The following FOXP1 variants were observed in gnomAD, a reference collection of about 807,000 sequenced individuals.
The protein encoded by FOXP1 is forkhead box P1.
In FOXP1, 15 loss-of-function variants were observed where a neutral mutation model predicts 98.2. That is an observed-to-expected ratio of 0.15 (90% CI 0.10 to 0.24). The LOEUF is 0.24. FOXP1 is among the 10% of genes least tolerant of loss of function. FOXP1 has a pLI of 1.00. For missense variants in FOXP1, 633 were observed against 848.5 expected (o/e 0.75, Z 3.15); for synonymous variants, 371 against 314.5 (o/e 1.18, Z -1.90).
At position 70,958,815 on chromosome 3, in the gene FOXP1, G is replaced by A. The variant is rs2032503210; in HGVS notation, c.*432C>T. 3 of 333,292 alleles carry A rather than the reference G, an allele frequency of 9.0e-6. No individual in the cohort carries two copies. The highest frequency in any genetic ancestry group is 4.0e-5 in the South Asian group (1 of 24,718). 20.6% of individuals were successfully genotyped at this position (333,292 alleles called of 1,614,324 possible). On this transcript the variant is annotated 3_prime_UTR_variant, in exon 21 of 21. Transcript: ENST00000649528. ...ACATGCAGTACTGTGCAAATAGGTC[G>A]TCCATTGGAATCCTTAAATTCTGGG...
intron 4 of FOXP1, among the ~76,000 whole-genome samples, chr3:71,339,234 A>G (rs1156588394): frequency 6.6e-6 from 1 of 152,276 alleles, no homozygotes; most frequent in Non-Finnish European, 1.5e-5. Flanking sequence ...CAACACAAGT[A>G]TCATAAAAAT....
chr3:71,420,486 A>G (rs2108323911), intron 3 of FOXP1, among the ~76,000 whole-genome samples: 1 of 152,252 alleles, frequency 6.6e-6, no homozygotes, highest in East Asian at 1.9e-4. Context: ...AAATGTTCCT[A>G]TCATGGGACT....
At chr3:71,239,125 G>C (rs1188876010) in intron 5 of FOXP1, among the ~76,000 whole-genome samples, 1 of 152,176 alleles carries the variant, frequency 6.6e-6, no homozygotes, top group Non-Finnish European at 1.5e-5. Context: ...GGGAATATGT[G>C]ATTGCATTTG....
chr3:71,128,443 A>T (rs1277319101), intron 6 of FOXP1, among the ~76,000 whole-genome samples: 2 of 152,220 alleles, frequency 1.3e-5, no homozygotes, highest in East Asian at 3.8e-4. Flanking sequence ...ATTAAAGACT[A>T]GAAGGTATTT....
intron 5 of FOXP1, among the ~76,000 whole-genome samples, chr3:71,236,923 T>C (rs2066834786): frequency 6.7e-6 from 1 of 150,056 alleles, no homozygotes; most frequent in African/African-American, 2.4e-5. Context: ...AAAAAAGAAG[T>C]AGTGAAACTG....
At chr3:71,120,890 G>GTA (rs1393286622) in intron 6 of FOXP1, among the ~76,000 whole-genome samples, 1 of 152,182 alleles carries the variant, frequency 6.6e-6, no homozygotes, top group Non-Finnish European at 1.5e-5. Context: ...TGCCGATTAT[G>GTA]TATATTCCTT....
chr3:70,961,654 A>C (rs544707712), intron 20 of FOXP1, among the ~76,000 whole-genome samples: 1 of 152,026 alleles, frequency 6.6e-6, no homozygotes, highest in Admixed American at 6.5e-5. Context: ...TGGCTGTATT[A>C]GTGTTTCAGC....
At chr3:71,087,007 C>T (rs2055181130) in intron 7 of FOXP1, among the ~76,000 whole-genome samples, 1 of 152,122 alleles carries the variant, frequency 6.6e-6, no homozygotes, top group Non-Finnish European at 1.5e-5. Context: ...GGCTGTTTAC[C>T]CTGAAGGCCC....
chr3:71,437,322 G>A (rs751313904), intron 3 of FOXP1, among the ~76,000 whole-genome samples: 1 of 152,122 alleles, frequency 6.6e-6, no homozygotes, highest in Non-Finnish European at 1.5e-5. Flanking sequence ...TAGGAGGATC[G>A]CTTGAACCTG....
chr3:71,422,377 CAA>C (rs1369739879), intron 3 of FOXP1, among the ~76,000 whole-genome samples: 2 of 152,230 alleles, frequency 1.3e-5, no homozygotes, highest in Non-Finnish European at 2.9e-5. Flanking sequence ...GCCATCTTGG[CAA>C]AAGACTGATT....
At chr3:70,979,316 A>AAG (rs2038332021) in intron 14 of FOXP1, among the ~76,000 whole-genome samples, 9 of 96,506 alleles carry the variant, frequency 9.3e-5, no homozygotes, top group South Asian at 3.6e-4. Context: ...AAAAAAAAAA[A>AAG]AAAAGAAAAA....
At chr3:71,345,966 A>G (rs554111428) in intron 4 of FOXP1, among the ~76,000 whole-genome samples, 5 of 151,268 alleles carry the variant, frequency 3.3e-5, no homozygotes, top group South Asian at 2.1e-4. Flanking sequence ...ACAAAATATA[A>G]GGAAAGGAGA....
At chr3:71,570,613 G>A (rs1337238986) in intron 2 of FOXP1, 1 of 152,248 alleles carries the variant, frequency 6.6e-6, no homozygotes, top group Non-Finnish European at 1.5e-5. Flanking sequence ...GCATAATTAA[G>A]AGCATTAAGC....
At chr3:71,490,647 T>C (rs2090999372) in intron 3 of FOXP1, among the ~76,000 whole-genome samples, 1 of 152,196 alleles carries the variant, frequency 6.6e-6, no homozygotes, top group Non-Finnish European at 1.5e-5. Context: ...TTACAAAAAT[T>C]CTAGTATTCC....
intron 5 of FOXP1, among the ~76,000 whole-genome samples, chr3:71,225,025 A>G (rs1335902732): frequency 6.6e-6 from 1 of 152,234 alleles, no homozygotes; most frequent in African/African-American, 2.4e-5. Context: ...AATAAAACAC[A>G]GCCACCTTCA....
chr3:70,980,468 G>A (rs1163995661), intron 14 of FOXP1, among the ~76,000 whole-genome samples: 1 of 152,084 alleles, frequency 6.6e-6, no homozygotes, highest in Admixed American at 6.5e-5. Context: ...ACTAATATCT[G>A]AGATGTTATT....
chr3:71,382,092 C>A (rs544465377), intron 3 of FOXP1, among the ~76,000 whole-genome samples: 65 of 152,178 alleles, frequency 4.3e-4, no homozygotes, highest in African/African-American at 1.3e-3. Flanking sequence ...AGCAACATGG[C>A]GAGACCCTGT....
At chr3:71,523,884 C>T (rs887288002) in intron 2 of FOXP1, among the ~76,000 whole-genome samples, 7 of 152,206 alleles carry the variant, frequency 4.6e-5, no homozygotes, top group African/African-American at 7.2e-5. Flanking sequence ...GCAGAGCAGC[C>T]GGGATCACCC....
chr3:71,316,414 C>T (rs1323895529), intron 4 of FOXP1, among the ~76,000 whole-genome samples: 6 of 152,118 alleles, frequency 3.9e-5, no homozygotes, highest in African/African-American at 1.4e-4. Context: ...ACCATCACCC[C>T]AGATGCTCTG....
Sources: allele counts gnomAD v4.1 joint callset (sites outside exome capture counted in the v4.1 genomes callset), GRCh38; gene constraint gnomAD v4.1.1; transcripts MANE v1.5; gene names NCBI Gene and HGNC (gene_info 2026-07-23, HGNC 2026-07-21).